The following GOLGA3 variants were observed in gnomAD, a reference collection of about 807,000 sequenced individuals.
GOLGA3 encodes golgin subfamily A member 3.
A neutral mutation model predicts 169.4 loss-of-function variants in GOLGA3; 75 were observed. The ratio of observed to expected loss-of-function variants is 0.44; its 90% CI spans 0.37 to 0.54. The LOEUF is 0.54. GOLGA3 is among the 20% of genes least tolerant of loss of function. GOLGA3 has a pLI of 0.00. For missense variants in GOLGA3, 1,899 were observed against 1,930.0 expected (o/e 0.98, Z 0.30); for synonymous variants, 824 against 822.4 (o/e 1.00, Z -0.03).
chr12:132,789,179 G>C lies in GOLGA3; in HGVS notation c.2659C>G (p.Leu887Val). ...DSELKELRQE[L>V]MQVHGEKRTA... ...CGCTTCTCCCCGTGCACTTGCATCA[G>C]CTCCTGCCGCAGCTCCTTCAGCTCC... is the stretch of plus-strand genomic sequence containing the variant. The change falls in exon 13 of 24, where the codon CTG (leucine) becomes GTG (valine). Residue 887 changes from leucine (L) to valine (V), a missense_variant. Coordinates refer to ENST00000450791, the MANE Select transcript of GOLGA3 (RefSeq NM_001389683.1). The C allele has an allele frequency of 2.5e-6, 4 of 1,611,830 alleles. No individual in the cohort carries two copies. The highest frequency in any genetic ancestry group is 3.4e-6 in the Non-Finnish European group (4 of 1,180,018).
Position 132,796,611 on chromosome 12 carries a change from C to A in GOLGA3, c.2028G>T (p.Glu676Asp). The A allele has an allele frequency of 6.2e-7, 1 of 1,614,122 alleles. No homozygotes were observed. Among genetic ancestry groups the A allele is most frequent in the Non-Finnish European group, 8.5e-7 (1 of 1,180,024 alleles). ...GCAGCCGCTCCCTCTCACCTTCAAA[C>A]TCTTCCAGCCTCCTCTGAAGGTCCT... The part of the protein sequence containing the change: ...VEEDLQRRLE[E>D]FEGERERLQR... The change falls in exon 10 of 24, where the codon GAG becomes GAT. Residue 676 changes from glutamate to aspartate, a missense_variant. Transcript: ENST00000450791.
chr12:132,801,617 TC>T (rs1949130348), intron 8 of GOLGA3, 149 bp downstream of exon 8: 1 of 754,542 alleles, frequency 1.3e-6, no homozygotes, highest in Non-Finnish European at 2.2e-6. Flanking sequence ...ATACGACACG[TC>T]CTACATGGGA....
chr12:132,791,547 C>A (rs879244995), intron 11 of GOLGA3, among the ~76,000 whole-genome samples: 2 of 137,974 alleles, frequency 1.4e-5, no homozygotes, highest in South Asian at 2.4e-4. Flanking sequence ...CCAGAAGGGG[C>A]CACATCTGCA....
intron 9 of GOLGA3, among the ~76,000 whole-genome samples, chr12:132,797,056 GC>G (rs1231744878): frequency 1.3e-5 from 2 of 152,220 alleles, no homozygotes; most frequent in Non-Finnish European, 2.9e-5. Flanking sequence ...GAGACCAGAG[GC>G]CCCCGCAGTG....
intron 23 of GOLGA3, 96 bp downstream of exon 23, chr12:132,774,061 G>A (rs2136238960): frequency 8.5e-7 from 1 of 1,175,946 alleles, no homozygotes; most frequent in South Asian, 1.5e-5. Flanking sequence ...CTGAAACTCT[G>A]CTGGGCACTC....
intron 14 of GOLGA3, 29 bp downstream of exon 14, chr12:132,786,652 CACCTGGCCCCCG>C: frequency 6.8e-7 from 1 of 1,479,880 alleles, no homozygotes; most frequent in Non-Finnish European, 9.4e-7. Context: ...CCGCACCTCC[CACCTGGCCCCCG>C]CACCTCCCCC....
In GOLGA3 at chr12:132,769,123, T is replaced by A. The variant is rs1202423463; in HGVS notation, c.*3982A>T. 2 of 152,334 alleles carry A rather than the reference T, an allele frequency of 1.3e-5. No homozygotes were observed. The highest frequency in any genetic ancestry group is 6.5e-5 in the Admixed American group (1 of 15,282). The allele number at this position is 152,334 out of a possible 1,614,324, so 9.4% of individuals were successfully genotyped here. ...AAAGCACTGAATTTTCCAGACCCTC[T>A]AACACATTTCCCTCCGGATCCTGTG... On this transcript the variant is annotated 3_prime_UTR_variant, in exon 24 of 24. Coordinates refer to ENST00000450791, the MANE Select transcript of GOLGA3 (RefSeq NM_001389683.1).
At chr12:132,798,273 A>C in intron 9 of GOLGA3, 67 bp downstream of exon 9, 1 of 1,443,368 alleles carries the variant, frequency 6.9e-7, no homozygotes, top group Non-Finnish European at 9.4e-7. Flanking sequence ...ACATGTAAGA[A>C]AACACACATG....
intron 1 of GOLGA3, among the ~76,000 whole-genome samples, chr12:132,823,550 C>A (rs932789934): frequency 2.6e-5 from 4 of 152,202 alleles, no homozygotes; most frequent in African/African-American, 9.7e-5. Flanking sequence ...CTTTGGGAGG[C>A]CAAGGCGGGC....
intron 4 of GOLGA3, among the ~76,000 whole-genome samples, chr12:132,812,233 T>A (rs1593361838): frequency 6.9e-6 from 1 of 144,286 alleles, no homozygotes; most frequent in South Asian, 2.2e-4. Context: ...ATATATATTT[T>A]TTTTAACTGC....
chr12:132,782,326 C>T lies in GOLGA3; in HGVS notation c.3435G>A (p.Arg1145=). 1.2e-6 allele frequency: 2 copies of T among 1,614,204 alleles called. No homozygotes were observed. Among genetic ancestry groups the T allele is most frequent in the Non-Finnish European group, 8.5e-7 (1 of 1,180,008 alleles). The change falls in exon 17 of 24, where the codon AGG becomes AGA. Residue 1145 remains arginine, a synonymous_variant. Transcript: ENST00000450791. The part of the protein sequence containing the change: ...NSILETALAK[R]EADLVQLNLQ... ...GGTTCAACTGGACTAGGTCTGCCTC[C>T]CTCTTGGCCAAAGCTGTTTCTAGGA...
intron 22 of GOLGA3, chr12:132,774,635 A>G (rs2045116731): frequency 3.7e-5 from 16 of 429,156 alleles, no homozygotes; most frequent in South Asian, 1.5e-4. Context: ...GATACTCAAG[A>G]CCTTGATGTG....
At chr12:132,788,147 C>T (rs951958848) in intron 13 of GOLGA3, among the ~76,000 whole-genome samples, 4 of 152,130 alleles carry the variant, frequency 2.6e-5, no homozygotes, top group African/African-American at 4.8e-5. Context: ...CTCCCCACCC[C>T]GGCACCAGCG....
intron 11 of GOLGA3, among the ~76,000 whole-genome samples, chr12:132,795,145 G>A (rs1188496919): frequency 6.9e-6 from 1 of 145,584 alleles, no homozygotes; most frequent in Non-Finnish European, 1.5e-5. Context: ...CGAGATCACC[G>A]CACTACACTC....
chr12:132,788,480 C>G (rs2046043955), intron 13 of GOLGA3, among the ~76,000 whole-genome samples: 1 of 152,180 alleles, frequency 6.6e-6, no homozygotes, highest in Non-Finnish European at 1.5e-5. Flanking sequence ...GCTCTGCTAC[C>G]TGCAGCCGAG....
At chr12:132,817,125 A>T (rs556611464) in intron 2 of GOLGA3, among the ~76,000 whole-genome samples, 159 of 142,968 alleles carry the variant, frequency 1.1e-3, no homozygotes, top group African/African-American at 3.6e-3. Context: ...CACCCTCCAC[A>T]CCTCCACACT....
At chr12:132,817,752 A>T (rs868554500) in intron 2 of GOLGA3, among the ~76,000 whole-genome samples, 1 of 8,762 alleles carries the variant, frequency 1.1e-4, no homozygotes, top group East Asian at 2.1e-3. Flanking sequence ...CACCCTCCAC[A>T]CCTCCACGCT....
chr12:132,777,791 C>T lies in GOLGA3; in HGVS notation c.3597G>A (p.Lys1199=). 1.2e-6 allele frequency: 2 copies of T among 1,613,584 alleles called. No homozygotes were observed. Among genetic ancestry groups the T allele is most frequent in the East Asian group, 2.2e-5 (1 of 44,860 alleles). Residue 1199 remains lysine, a synonymous_variant, in exon 19 of 24, where the codon AAG becomes AAA. Transcript: ENST00000450791. This position sits in a 1 kb window ranked among gnomAD's most constrained non-coding sequence, Gnocchi z 4.7. ...GGCGGCGGTTATGCCCGGCTTCCAC[C>T]TTGGCAGCAGCCACCTAGGAGGAAG... ...NSLKEQVAAA[K]VEAGHNRRHF...
chr12:132,805,774 C>T (rs977557420), intron 6 of GOLGA3, among the ~76,000 whole-genome samples: 3 of 152,270 alleles, frequency 2.0e-5, no homozygotes, highest in Admixed American at 1.3e-4. Flanking sequence ...GGGAAGCACC[C>T]GTCTCCTGCG....
Sources: allele counts gnomAD v4.1 joint callset (sites outside exome capture counted in the v4.1 genomes callset), GRCh38; gene constraint gnomAD v4.1.1; non-coding constraint Gnocchi (gnomAD v3.1); transcripts MANE v1.5; gene names NCBI Gene and HGNC (gene_info 2026-07-23, HGNC 2026-07-21).